The following FBN1 variants were observed in gnomAD, a reference collection of about 807,000 sequenced individuals.
The protein encoded by FBN1 is fibrillin 1.
A neutral mutation model predicts 365.1 loss-of-function variants in FBN1; 29 were observed. The observed-to-expected ratio is 0.08, with a 90% CI of 0.06 to 0.11. The LOEUF (loss-of-function observed/expected upper bound fraction) is 0.11, where lower values mean the gene tolerates loss of function less well. Ranked by LOEUF, FBN1 falls within the 10% of genes least tolerant of loss-of-function variation. The pLI, the probability that FBN1 is intolerant of heterozygous loss-of-function variation, is 1.00. For synonymous variants in FBN1, 1,210 were observed against 1,270.5 expected, an observed-to-expected ratio of 0.95 and a Z score of 1.01; for missense variants, 2,476 against 3,703.2, an observed-to-expected ratio of 0.67 and a Z score of 8.60.
intron 15 of FBN1, among the ~76,000 whole-genome samples, chr15:48,505,986 G>T (rs1321121614): frequency 6.6e-6 from 1 of 152,186 alleles, no homozygotes; most frequent in Non-Finnish European, 1.5e-5. Context: ...ACTTTGGGAG[G>T]CTAAGGTGGG....
At chr15:48,438,990 C>A (rs2043093144) in intron 50 of FBN1, among the ~76,000 whole-genome samples, 1 of 152,100 alleles carries the variant, frequency 6.6e-6, no homozygotes, top group South Asian at 2.1e-4. Flanking sequence ...ATCTGACCAC[C>A]TCTGCCTTTT....
intron 6 of FBN1, among the ~76,000 whole-genome samples, chr15:48,574,441 C>T (rs2044329601): frequency 6.6e-6 from 1 of 152,136 alleles, no homozygotes; most frequent in African/African-American, 2.4e-5. Flanking sequence ...AAAAGGTCTG[C>T]TGCTTCCAGG....
chr15:48,624,360 A>G (rs909547141), intron 2 of FBN1, among the ~76,000 whole-genome samples: 7 of 152,208 alleles, frequency 4.6e-5, no homozygotes, highest in Admixed American at 4.6e-4. Flanking sequence ...TCTGAAGGCA[A>G]TGATTTGAAT....
chr15:48,464,541 C>CA (rs1566903699), intron 40 of FBN1, among the ~76,000 whole-genome samples: 1 of 151,718 alleles, frequency 6.6e-6, no homozygotes, highest in Non-Finnish European at 1.5e-5. Context: ...AAAACAAAAA[C>CA]AAAAAAGAAA....
rs1459080171 is a variant in FBN1 at position 48,474,267 on chromosome 15, A to G, written c.4198T>C (p.Phe1400Leu). The G allele has an allele frequency of 6.2e-7, 1 of 1,614,006 alleles. No homozygotes were observed. The change falls in exon 34 of 66, where the codon TTC (phenylalanine) becomes CTC (leucine). Residue 1400 changes from phenylalanine to leucine, a missense_variant. Phe to Leu is a conservative substitution (Grantham distance 22). Transcript: ENST00000316623. ...AGCGTGAACATACCTGTACAAGTGA[A>G]GCCATCACCTGTGTATCCTTCCTTG... ...LCKEGYTGDG[F>L]TCTDLDECSE...
chr15:48,527,040 C>T (rs1052561879), intron 8 of FBN1, among the ~76,000 whole-genome samples: 2 of 152,350 alleles, frequency 1.3e-5, no homozygotes, highest in South Asian at 2.1e-4. Context: ...GGAGACAACA[C>T]TGAAGGCCCC....
intron 53 of FBN1, among the ~76,000 whole-genome samples, chr15:48,435,398 CTTACA>C (rs1205704235): frequency 2.6e-5 from 4 of 151,678 alleles, no homozygotes; most frequent in Admixed American, 2.6e-4. Flanking sequence ...ACAGTTTGGC[CTTACA>C]TTACATCACT....
At chr15:48,628,174 C>G (rs1004109113) in intron 2 of FBN1, among the ~76,000 whole-genome samples, 1 of 152,110 alleles carries the variant, frequency 6.6e-6, no homozygotes, top group African/African-American at 2.4e-5. Context: ...TACAAACAGT[C>G]GGGGAGGTGC....
At chr15:48,450,106 C>A (rs2043189631) in intron 45 of FBN1, among the ~76,000 whole-genome samples, 1 of 152,190 alleles carries the variant, frequency 6.6e-6, no homozygotes, top group Non-Finnish European at 1.5e-5. Flanking sequence ...TATGATTATT[C>A]CCTTTTGAGA....
At chr15:48,433,047 C>T (rs2141235389) in intron 54 of FBN1, 59 bp from the exon 55 acceptor site, 1 of 1,593,044 alleles carries the variant, frequency 6.3e-7, no homozygotes, top group Non-Finnish European at 8.6e-7. Context: ...AGGGAACCTA[C>T]CAATTGAACT....
intron 6 of FBN1, among the ~76,000 whole-genome samples, chr15:48,587,883 A>C (rs991304780): frequency 1.3e-5 from 2 of 152,156 alleles, no homozygotes; most frequent in Admixed American, 1.3e-4. Context: ...ACTTCTACTA[A>C]GACAGAGAAC....
chr15:48,591,789 T>G (rs1192910413), intron 6 of FBN1, among the ~76,000 whole-genome samples: 1 of 152,098 alleles, frequency 6.6e-6, no homozygotes, highest in Non-Finnish European at 1.5e-5. Context: ...GAGTTATGAG[T>G]GGCCCCTTTC....
In FBN1 at chr15:48,492,594, G is replaced by GAA; in HGVS notation, c.2729-10_2729-9dup. 1.9e-6 allele frequency: 3 copies of GAA among 1,556,648 alleles called. No homozygotes were observed. Among genetic ancestry groups the GAA allele is most frequent in the Non-Finnish European group, 2.6e-6 (3 of 1,137,430 alleles). On this transcript the variant is annotated splice_polypyrimidine_tract_variant and intron_variant, in intron 23 of 65. Transcript: ENST00000316623. ...CTTCACATTCATCTATATCTAAAAAGAAAAAAAAAGTATAAAGTTAATATA... is the reference window on the plus strand; with the variant it reads ...CTTCACATTCATCTATATCTAAAAAGAAAAAAAAAAAGTATAAAGTTAATATA...
chr15:48,470,904 T>C (rs1033264899), intron 35 of FBN1, 148 bp from the exon 36 acceptor site: 5 of 909,912 alleles, frequency 5.5e-6, no homozygotes, highest in African/African-American at 3.3e-5. Flanking sequence ...GACTTTTAGA[T>C]GATTTGCCAT....
intron 2 of FBN1, among the ~76,000 whole-genome samples, chr15:48,634,435 G>A (rs992842016): frequency 1.3e-5 from 2 of 152,150 alleles, no homozygotes; most frequent in Non-Finnish European, 2.9e-5. Context: ...TGCCGGGAGT[G>A]AAGGGGTTGT....
chr15:48,620,061 G>A (rs1184017053), intron 2 of FBN1, among the ~76,000 whole-genome samples: 2 of 152,158 alleles, frequency 1.3e-5, no homozygotes, highest in Non-Finnish European at 2.9e-5. Flanking sequence ...AGCCATGGTC[G>A]GGGGACTGGA....
chr15:48,644,917 A>G lies in FBN1; in HGVS notation c.-148T>C, dbSNP rs1320879387. 10 of 707,106 alleles carry G rather than the reference A, an allele frequency of 1.4e-5. No individual in the cohort carries two copies. The highest frequency in any genetic ancestry group is 5.9e-6 in the Non-Finnish European group (3 of 512,278). The allele number at this position is 707,106 out of a possible 1,614,324, so 43.8% of individuals were successfully genotyped here. A position where few individuals can be genotyped will look rare whatever the true frequency, so the allele number is the denominator to read the frequency against. On this transcript the variant is annotated 5_prime_UTR_variant, in exon 2 of 66. Coordinates refer to ENST00000316623, the MANE Select transcript of FBN1 (RefSeq NM_000138.5). ...GGGCCGGGCTCCTCCCGCCTTCTCC[A>G]GGCGCTGCTCCCACTTCAGGCGGCC...
chr15:48,552,276 C>CTTTTTTTTTTT (rs71432262), intron 6 of FBN1, among the ~76,000 whole-genome samples: 1 of 139,978 alleles, frequency 7.1e-6, no homozygotes, highest in Non-Finnish European at 1.6e-5. Context: ...CTTTTTTTTT[C>CTTTTTTTTTTT]TTTTTTTTTT....
At chr15:48,426,746 T>C (rs1372660114) in intron 58 of FBN1, among the ~76,000 whole-genome samples, 2 of 152,004 alleles carry the variant, frequency 1.3e-5, no homozygotes, top group Non-Finnish European at 2.9e-5. Context: ...CAGAAGTGAG[T>C]TTTTTCGGCT....
Sources: gnomAD v4.1 joint callset for allele counts (sites outside exome capture counted in the v4.1 genomes callset) on GRCh38, gnomAD v4.1.1 for gene constraint, MANE v1.5 for transcripts, NCBI Gene and HGNC (gene_info 2026-07-23, HGNC 2026-07-21) for gene names.